The following MATN3 variants were observed in gnomAD, a reference collection of about 807,000 sequenced individuals.
MATN3 encodes the protein matrilin 3.
Under a neutral mutation model 45.3 loss-of-function variants are expected in MATN3, and 48 were observed. That is an observed-to-expected ratio of 1.06 (90% CI 0.84 to 1.35). MATN3 has a LOEUF of 1.35. Ranked by LOEUF, MATN3 falls within the 40% of genes most tolerant of loss-of-function variation. The pLI is 0.00. For missense variants in MATN3, 599 were observed against 628.0 expected, an observed-to-expected ratio of 0.95 and a Z score of 0.49; for synonymous variants, 217 against 245.9, an observed-to-expected ratio of 0.88 and a Z score of 1.10.
Position 20,005,766 on chromosome 2 carries a change from A to C in MATN3, c.768T>G (p.Ser256=), listed in dbSNP as rs546499777. 12 of 1,601,674 alleles carry C rather than the reference A, an allele frequency of 7.5e-6. No individual in the cohort carries two copies. Among genetic ancestry groups the C allele is most frequent in the Non-Finnish European group, 1.0e-5 (12 of 1,171,808 alleles). The change falls in exon 2 of 8, where the codon TCT becomes TCG. Residue 256 remains serine, a synonymous_variant. Coordinates refer to ENST00000407540, the MANE Select transcript of MATN3 (RefSeq NM_002381.5). ...TACCACAGAAGGTTTCCTGGAATCT[A>C]GAGGAAAGTTTCTCAATGACCCCAT... ...ETYGVIEKLS[S]RFQETFCALD... is the part of the protein sequence containing the mutation.
intron 5 of MATN3, among the ~76,000 whole-genome samples, chr2:19,999,729 T>C (rs1315526946): frequency 6.6e-6 from 1 of 151,878 alleles, no homozygotes; most frequent in Non-Finnish European, 1.5e-5. Flanking sequence ...GGAAAATATA[T>C]GTCAAATCTA....
intron 5 of MATN3, chr2:19,997,513 T>C: frequency 3.0e-6 from 1 of 337,520 alleles, no homozygotes; most frequent in Non-Finnish European, 5.4e-6. Context: ...CTTTCCTTTT[T>C]TTCTACCCAC....
intron 7 of MATN3, 57 bp downstream of exon 7, chr2:19,994,242 G>T: frequency 9.0e-7 from 1 of 1,106,214 alleles, no homozygotes; most frequent in Non-Finnish European, 1.4e-6. Context: ...TGTTTGGCTC[G>T]ATCGTAGTAC....
Position 19,994,356 on chromosome 2 carries a change from C to T in MATN3, c.1348G>A (p.Ala450Thr), listed in dbSNP as rs531293171. 8 of 1,613,734 alleles carry T rather than the reference C, an allele frequency of 5.0e-6. No individual in the cohort carries two copies. In the South Asian group the frequency reaches 8.8e-5, roughly 18 times the overall value. Reference sequence around the variant, plus strand: ...ACCTTGTCCTGGAATGCCAGTGTAGCTTCACATCCACAAGCATCTTCAGTG... The same window carrying T: ...ACCTTGTCCTGGAATGCCAGTGTAGTTTCACATCCACAAGCATCTTCAGTG... ...VSTEDACGCE[A>T]TLAFQDKVSS... Residue 450 changes from alanine (A) to threonine (T), a missense_variant, in exon 7 of 8, where the codon GCT becomes ACT. Transcript: ENST00000407540.
intron 1 of MATN3, among the ~76,000 whole-genome samples, chr2:20,008,643 A>G (rs1030254340): frequency 1.3e-4 from 20 of 152,068 alleles, no homozygotes; most frequent in African/African-American, 4.1e-4. Flanking sequence ...CAACACATCA[A>G]CCTGTGAGGC....
At chr2:19,996,307 C>CAAAACA (rs1672865091) in intron 6 of MATN3, among the ~76,000 whole-genome samples, 1 of 151,146 alleles carries the variant, frequency 6.6e-6, no homozygotes, top group African/African-American at 2.4e-5. Context: ...CTGAAAACTA[C>CAAAACA]AAAACAATTT....
chr2:20,012,423 C>T lies in MATN3; in HGVS notation c.209G>A (p.Arg70His), dbSNP rs104893640. Residue 70 changes from arginine to histidine, a missense_variant, in exon 1 of 8, where the codon CGC becomes CAC. Transcript: ENST00000407540. This position sits in a 1 kb window ranked among gnomAD's most constrained non-coding sequence, Gnocchi z 4.3. ...APASGTSEPG[R>H]ARGAGVCKSR... ...CCCGCCTGTACCTGCACCGCGGGCG[C>T]GGCCAGGCTCGCTGGTCCCGGAAGC... 8.4e-5 allele frequency: 103 copies of T among 1,229,358 alleles called. 1 individual carries two copies. The East Asian group carries it at 3.1e-3, about 37-fold the overall frequency. 76.2% of individuals were successfully genotyped at this position (1,229,358 alleles called of 1,614,324 possible).
intron 6 of MATN3, among the ~76,000 whole-genome samples, chr2:19,996,876 C>G (rs1672880468): frequency 6.6e-6 from 1 of 151,942 alleles, no homozygotes; most frequent in Non-Finnish European, 1.5e-5. Context: ...TATTTTACCA[C>G]AATAAAAAAA....
chr2:20,012,618 GC>G lies in MATN3; in HGVS notation c.13del (p.Ala5ProfsTer98). MPRP[A>X]PARRLPGLLL... The stretch of plus-strand genomic sequence containing the variant: ...GAGTCCCGGGAGGCGGCGCGCGGGG[GC>G]CGGGCGCGGCATGGTGGGCTCCGTG... On this transcript the variant is annotated frameshift_variant, in exon 1 of 8. Transcript: ENST00000407540. LOFTEE classifies it high-confidence loss of function. This position sits in a 1 kb window ranked among gnomAD's most constrained non-coding sequence, Gnocchi z 4.3. 3.3e-6 allele frequency: 4 copies of G among 1,216,574 alleles called. No individual in the cohort carries two copies. The highest frequency in any genetic ancestry group is 3.1e-6 in the Non-Finnish European group (3 of 978,218). The allele number at this position is 1,216,574 out of a possible 1,614,324, so 75.4% of individuals were successfully genotyped here. A position where few individuals can be genotyped will look rare whatever the true frequency, so the allele number is the denominator to read the frequency against.
At chr2:19,999,678 C>A (rs1672947800) in intron 5 of MATN3, among the ~76,000 whole-genome samples, 1 of 150,094 alleles carries the variant, frequency 6.7e-6, no homozygotes, top group Non-Finnish European at 1.5e-5. Context: ...TGCCATTTCC[C>A]TTTGTCTATC....
chr2:20,011,465 C>T (rs1170373153), intron 1 of MATN3, among the ~76,000 whole-genome samples: 3 of 152,360 alleles, frequency 2.0e-5, no homozygotes, highest in Admixed American at 1.3e-4. Context: ...GTCCCTTGAG[C>T]TCCTTCTCAG....
At chr2:19,999,254 C>T (rs948583786) in intron 5 of MATN3, 1 of 152,126 alleles carries the variant, frequency 6.6e-6, no homozygotes. Flanking sequence ...ACACTTGTCA[C>T]TAGTTTGAGA....
chr2:20,001,124 T>G (rs1052138909), intron 4 of MATN3, among the ~76,000 whole-genome samples: 1 of 152,246 alleles, frequency 6.6e-6, no homozygotes, highest in Non-Finnish European at 1.5e-5. Context: ...ATTTCAGATT[T>G]ATGAAAAGGT....
In MATN3 at chr2:20,003,246, G is replaced by C; in HGVS notation, c.831C>G (p.His277Gln). The C allele has an allele frequency of 6.2e-7, 1 of 1,613,964 alleles. No homozygotes were observed. The highest frequency in any genetic ancestry group is 8.5e-7 in the Non-Finnish European group (1 of 1,179,876). ...PCVLGTHQCQHVCISDGEGKH... is the reference protein window; with the variant it reads ...PCVLGTHQCQQVCISDGEGKH... The stretch of plus-strand genomic sequence containing the variant: ...TGCCTTCCCCATCACTGATGCAGAC[G>C]TGCTGGCACTGGTGTGTTCCAAGCA... The change falls in exon 3 of 8, where the codon CAC (histidine) becomes CAG (glutamine). Residue 277 changes from histidine (H) to glutamine (Q), a missense_variant. Transcript: ENST00000407540.
Position 19,992,897 on chromosome 2 carries a change from T to G in MATN3, c.*214A>C. On this transcript the variant is annotated 3_prime_UTR_variant, in exon 8 of 8. Coordinates refer to ENST00000407540, the MANE Select transcript of MATN3 (RefSeq NM_002381.5). ...GTCATAACTTAGAGACACTAAAGTT[T>G]GCTCTTAATAAGTATCTGCATATGT... The G allele has an allele frequency of 1.9e-6, 1 of 532,264 alleles. No individual in the cohort carries two copies. Among genetic ancestry groups the G allele is most frequent in the Non-Finnish European group, 3.3e-6 (1 of 305,548 alleles). The allele number at this position is 532,264 out of a possible 1,614,324, so 33.0% of individuals were successfully genotyped here. A position where few individuals can be genotyped will look rare whatever the true frequency, so the allele number is the denominator to read the frequency against.
chr2:19,993,074 A>G lies in MATN3; in HGVS notation c.*37T>C. The G allele has an allele frequency of 6.4e-7, 1 of 1,553,234 alleles. No homozygotes were observed. The highest frequency in any genetic ancestry group is 1.1e-5 in the South Asian group (1 of 89,746). On this transcript the variant is annotated 3_prime_UTR_variant, in exon 8 of 8. Transcript: ENST00000407540. ...AGAATGCATGAGTATTAAGTACACCAAGCTGTCCACATTTTCAGGTGAGAA... is the reference window on the plus strand; with the variant it reads ...AGAATGCATGAGTATTAAGTACACCGAGCTGTCCACATTTTCAGGTGAGAA...
chr2:19,994,641 T>TAA (rs1304823044), intron 6 of MATN3, among the ~76,000 whole-genome samples: 1 of 152,238 alleles, frequency 6.6e-6, no homozygotes, highest in Non-Finnish European at 1.5e-5. Flanking sequence ...AGCTGAGTGA[T>TAA]GCTTAAGTGA....
intron 1 of MATN3, among the ~76,000 whole-genome samples, chr2:20,011,358 C>T (rs1673215769): frequency 6.6e-6 from 1 of 152,250 alleles, no homozygotes; most frequent in African/African-American, 2.4e-5. Context: ...GAATCTAGCC[C>T]TGTGGACCCC....
chr2:19,997,321 T>C, intron 5 of MATN3, 62 bp from the exon 6 acceptor site: 1 of 1,500,132 alleles, frequency 6.7e-7, no homozygotes, highest in Admixed American at 2.3e-5. Flanking sequence ...TAAACACAAA[T>C]GTTTGAGAGG....
Sources: allele counts gnomAD v4.1 joint callset (sites outside exome capture counted in the v4.1 genomes callset), GRCh38; gene constraint gnomAD v4.1.1; non-coding constraint Gnocchi (gnomAD v3.1); transcripts MANE v1.5; gene names NCBI Gene and HGNC (gene_info 2026-07-23, HGNC 2026-07-21).